INSR: variants seen among roughly 807,000 people sequenced by gnomAD.
The protein encoded by INSR is insulin receptor.
A neutral mutation model predicts 142.6 loss-of-function variants in INSR; 67 were observed. That is an observed-to-expected ratio of 0.47 (90% CI 0.39 to 0.58). The LOEUF is 0.58. INSR is among the 20% of genes least tolerant of loss of function. The pLI is 0.00. For missense variants in INSR, 1,248 were observed against 1,833.2 expected, an observed-to-expected ratio of 0.68 and a Z score of 5.83; for synonymous variants, 756 against 743.1, an observed-to-expected ratio of 1.02 and a Z score of -0.28.
chr19:7,158,428 G>A (rs1280681733), intron 9 of INSR, among the ~76,000 whole-genome samples: 1 of 152,164 alleles, frequency 6.6e-6, no homozygotes, highest in African/African-American at 2.4e-5. Flanking sequence ...GTGAACCCGG[G>A]AGGCGGAGCT....
intron 2 of INSR, among the ~76,000 whole-genome samples, chr19:7,254,496 T>C (rs10416766): frequency 0.28 from 41,908 of 151,966 alleles, 6,205 homozygotes; most frequent in East Asian, 0.53. Context: ...ACCACTGCAC[T>C]GCAGCCTGGG....
chr19:7,249,992 A>G lies in INSR; in HGVS notation c.652+17353T>C, dbSNP rs937881705. On this transcript the variant is annotated intron_variant, in intron 2 of 21. Coordinates refer to ENST00000302850, the MANE Select transcript of INSR (RefSeq NM_000208.4). Reference sequence around the variant, plus strand: ...GGGCAACAGAGCCAGACTCTGTCTCAAAAAAAAATAAAATAAAATAACTGG... The same window carrying G: ...GGGCAACAGAGCCAGACTCTGTCTCGAAAAAAAATAAAATAAAATAACTGG... Among the ~76,000 whole-genome samples the G allele has an allele frequency of 1.7e-3, 172 of 103,752 alleles. 1 individual carries two copies. Among genetic ancestry groups the G allele is most frequent in the Non-Finnish European group, 1.5e-3 (73 of 48,456 alleles). The allele number at this position is 103,752 out of a possible 152,430, so 68.1% of individuals were successfully genotyped here. A position where few individuals can be genotyped will look rare whatever the true frequency, so the allele number is the denominator to read the frequency against.
intron 3 of INSR, among the ~76,000 whole-genome samples, chr19:7,184,060 C>CAAAAAAAAAAGAAAAAA (rs1974347861): frequency 1.2e-5 from 1 of 85,152 alleles, no homozygotes; most frequent in East Asian, 3.1e-4. Context: ...GACTCCATCT[C>CAAAAAAAAAAGAAAAAA]AAAAAAAAAA....
intron 2 of INSR, among the ~76,000 whole-genome samples, chr19:7,224,240 C>A (rs1295861101): frequency 1.1e-5 from 1 of 89,512 alleles, no homozygotes; most frequent in African/African-American, 4.7e-5. Flanking sequence ...CCACACCAGG[C>A]CAATTTTTTT....
chr19:7,142,010 C>CT (rs796795268), intron 12 of INSR, among the ~76,000 whole-genome samples, 194 bp from the exon 13 acceptor site: 1,787 of 145,890 alleles, frequency 0.012, 18 homozygotes, highest in East Asian at 0.049. Flanking sequence ...CTGCGTATAA[C>CT]TTTTTTTTTT....
Position 7,263,189 on chromosome 19 carries a change from G to A in INSR, c.652+4156C>T, listed in dbSNP as rs190493709. On this transcript the variant is annotated intron_variant, in intron 2 of 21. Coordinates refer to ENST00000302850, the MANE Select transcript of INSR (RefSeq NM_000208.4). ...AGTCACTCGGAAGGCTGAGGCAGGA[G>A]AATCATTTGAATCCAGGAGGCGGAG... 2.0e-5 allele frequency among the ~76,000 whole-genome samples: 3 copies of A among 151,804 alleles called. No homozygotes were observed. In the East Asian group the frequency reaches 5.8e-4, roughly 29 times the overall value.
intron 11 of INSR, among the ~76,000 whole-genome samples, chr19:7,148,959 T>C (rs541232377): frequency 2.3e-4 from 34 of 150,398 alleles, no homozygotes; most frequent in Admixed American, 8.0e-4. Context: ...CACGCCCGGC[T>C]AATTTTTATG....
chr19:7,271,006 G>T (rs993954329), intron 1 of INSR, among the ~76,000 whole-genome samples: 6 of 150,654 alleles, frequency 4.0e-5, no homozygotes, highest in Admixed American at 2.7e-4. Flanking sequence ...AGCTTGCAGT[G>T]AGCCGAGATC....
chr19:7,210,706 T>TATATATAA (rs1259673100), intron 2 of INSR, among the ~76,000 whole-genome samples: 1 of 151,926 alleles, frequency 6.6e-6, no homozygotes, highest in African/African-American at 2.4e-5. Flanking sequence ...TAAATATATA[T>TATATATAA]GTATATATGG....
chr19:7,141,588 A>T (rs1973069895), intron 13 of INSR, 89 bp downstream of exon 13: 1 of 1,575,164 alleles, frequency 6.3e-7, no homozygotes, highest in Admixed American at 1.8e-5. Context: ...CTGGAATCAA[A>T]ATTTCAGCAG....
Position 7,150,517 on chromosome 19 carries a change from G to A in INSR, c.2247C>T (p.Gly749=). 2 of 1,614,190 alleles carry A rather than the reference G, an allele frequency of 1.2e-6. No homozygotes were observed. Among genetic ancestry groups the A allele is most frequent in the African/African-American group, 1.3e-5 (1 of 75,068 alleles). Residue 749 remains glycine (G), a synonymous_variant, in exon 11 of 22, where the codon GGC becomes GGT. Transcript: ENST00000302850. This position sits in a 1 kb window ranked among gnomAD's most constrained non-coding sequence, Gnocchi z 4.2. ...VVFVPRKTSS[G]TGAEDPRPSR... Reference sequence around the variant, plus strand: ...CATACCTAGGGTCCTCGGCACCAGTGCCTGAAGAGGTTTTTCTGTGGAAAC... The same window carrying A: ...CATACCTAGGGTCCTCGGCACCAGTACCTGAAGAGGTTTTTCTGTGGAAAC...
chr19:7,138,751 T>C (rs553244528), intron 13 of INSR, among the ~76,000 whole-genome samples: 24 of 152,172 alleles, frequency 1.6e-4, no homozygotes, highest in Non-Finnish European at 3.1e-4. Context: ...CTCCAATGGA[T>C]GGACATCTTA....
At chr19:7,252,435 T>C (rs534544443) in intron 2 of INSR, among the ~76,000 whole-genome samples, 1 of 151,690 alleles carries the variant, frequency 6.6e-6, no homozygotes, top group African/African-American at 2.4e-5. Context: ...AGAAAAGGAA[T>C]CTTGACCACT....
intron 1 of INSR, among the ~76,000 whole-genome samples, chr19:7,269,038 C>CCACACACACCCACA (rs1555690133): frequency 0.039 from 5,714 of 146,880 alleles, 164 homozygotes; most frequent in Non-Finnish European, 0.054. Flanking sequence ...ACCCACACAC[C>CCACACACACCCACA]CACACACACA....
In INSR at chr19:7,170,771, A is replaced by G; in HGVS notation, c.1269-20T>C. 1 of 1,579,662 alleles carries G rather than the reference A, an allele frequency of 6.3e-7. No homozygotes were observed. Among genetic ancestry groups the G allele is most frequent in the Non-Finnish European group, 8.7e-7 (1 of 1,148,702 alleles). The stretch of plus-strand genomic sequence containing the variant: ...TAGTTCCTATGGAAAAAACACACAC[A>G]TCTAGTCATTCAACGGCTGGTCTTC... On this transcript the variant is annotated intron_variant, in intron 5 of 21. Coordinates refer to ENST00000302850, the MANE Select transcript of INSR (RefSeq NM_000208.4).
chr19:7,216,995 TCTTC>T lies in INSR; in HGVS notation c.653-32362_653-32359del, dbSNP rs753069062. 6.3e-4 allele frequency among the ~76,000 whole-genome samples: 12 copies of T among 19,166 alleles called. No individual in the cohort carries two copies. Among genetic ancestry groups the T allele is most frequent in the Non-Finnish European group, 7.0e-4 (8 of 11,478 alleles). The allele number at this position is 19,166 out of a possible 152,430, so 12.6% of individuals were successfully genotyped here. A position where few individuals can be genotyped will look rare whatever the true frequency, so the allele number is the denominator to read the frequency against. On this transcript the variant is annotated intron_variant, in intron 2 of 21. Transcript: ENST00000302850. The surrounding 1 kb of genome is among the most constrained non-coding windows in gnomAD (Gnocchi z 4.2). The stretch of plus-strand genomic sequence containing the variant: ...CCCAGCTAATTTTTCTTCTTCTTCT[TCTTC>T]TTTTTTTTTTTTTTGTAGAGATGGG...
At chr19:7,149,774 A>G (rs1212127762) in intron 11 of INSR, among the ~76,000 whole-genome samples, 2 of 151,660 alleles carry the variant, frequency 1.3e-5, no homozygotes, top group African/African-American at 4.8e-5. Context: ...GAGAGCCGAG[A>G]TCGCACCACT....
intron 2 of INSR, among the ~76,000 whole-genome samples, chr19:7,247,231 C>T (rs1976565249): frequency 6.6e-6 from 1 of 152,180 alleles, no homozygotes. Flanking sequence ...ACGGCCCCTT[C>T]CCCATCCTTA....
intron 13 of INSR, among the ~76,000 whole-genome samples, chr19:7,135,668 A>G (rs1038759203): frequency 6.7e-5 from 10 of 149,232 alleles, no homozygotes; most frequent in Non-Finnish European, 1.2e-4. Flanking sequence ...CTAGCAAAAG[A>G]AAAAAAAAAT....
Sources: allele counts gnomAD v4.1 joint callset (sites outside exome capture counted in the v4.1 genomes callset), GRCh38; gene constraint gnomAD v4.1.1; non-coding constraint Gnocchi (gnomAD v3.1); transcripts MANE v1.5; gene names NCBI Gene and HGNC (gene_info 2026-07-23, HGNC 2026-07-21).